Variants in COL26A1 observed in about 807,000 individuals in gnomAD.
The protein encoded by COL26A1 is collagen type XXVI alpha 1 chain, also known as collagen alpha-1(XXVI) chain.
In COL26A1, 41 loss-of-function variants were observed where a neutral mutation model predicts 59.3. The observed-to-expected ratio is 0.69, with a 90% confidence interval of 0.54 to 0.90. The LOEUF is 0.90. Ranked by LOEUF, COL26A1 falls within the 40% of genes least tolerant of loss-of-function variation. The pLI is 0.00. For missense variants in COL26A1, 612 were observed against 602.3 expected (o/e 1.02, Z -0.17); for synonymous variants, 266 against 256.0 (o/e 1.04, Z -0.37).
chr7:101,386,502 T>A (rs1791580770), intron 1 of COL26A1, among the ~76,000 whole-genome samples: 1 of 152,170 alleles, frequency 6.6e-6, no homozygotes, highest in South Asian at 2.1e-4. Flanking sequence ...TGGCCCTGGC[T>A]TGCTTTGTTC....
chr7:101,472,754 C>T (rs1476995255), intron 3 of COL26A1, among the ~76,000 whole-genome samples: 8 of 152,210 alleles, frequency 5.3e-5, no homozygotes, highest in African/African-American at 1.9e-4. Context: ...AGCCCATAAA[C>T]ACCGCAATCT....
intron 1 of COL26A1, among the ~76,000 whole-genome samples, chr7:101,399,576 G>A (rs997460607): frequency 4.0e-5 from 6 of 150,896 alleles, no homozygotes; most frequent in African/African-American, 7.3e-5. Flanking sequence ...CTCCTGCCTC[G>A]GCCTCCCAGA....
chr7:101,430,475 A>G (rs1032433256), intron 2 of COL26A1, among the ~76,000 whole-genome samples: 1 of 150,704 alleles, frequency 6.6e-6, no homozygotes, highest in African/African-American at 2.4e-5. Context: ...TTTTTTTTTT[A>G]GAGACGGGTT....
At chr7:101,369,761 C>T (rs1791141370) in intron 1 of COL26A1, among the ~76,000 whole-genome samples, 1 of 152,084 alleles carries the variant, frequency 6.6e-6, no homozygotes, top group Admixed American at 6.6e-5. Flanking sequence ...TTTAATTCTG[C>T]TAGATAGCGT....
chr7:101,417,181 A>G (rs1351681453), intron 1 of COL26A1, among the ~76,000 whole-genome samples: 1 of 152,128 alleles, frequency 6.6e-6, no homozygotes, highest in Non-Finnish European at 1.5e-5. Flanking sequence ...CCTTTCTTCC[A>G]TGATACTGGC....
intron 1 of COL26A1, among the ~76,000 whole-genome samples, chr7:101,395,682 C>G (rs1195745520): frequency 6.6e-6 from 1 of 152,176 alleles, no homozygotes; most frequent in Admixed American, 6.5e-5. Context: ...TTCTTGTGGT[C>G]AACCCCCTGG....
At chr7:101,553,500 CG>C in intron 11 of COL26A1, 124 bp downstream of exon 11, 2 of 881,882 alleles carry the variant, frequency 2.3e-6, no homozygotes, top group Middle Eastern at 5.6e-4. Context: ...GCTGGGCCAC[CG>C]GGTGTACAGG....
chr7:101,520,633 TACACACACAC>T (rs3073377), intron 3 of COL26A1, among the ~76,000 whole-genome samples: 6 of 137,222 alleles, frequency 4.4e-5, no homozygotes, highest in African/African-American at 9.5e-5. Flanking sequence ...CACAGACACA[TACACACACAC>T]ACACACACAC....
intron 2 of COL26A1, among the ~76,000 whole-genome samples, 200 bp downstream of exon 2, chr7:101,420,299 TG>T (rs1051280277): frequency 2.0e-4 from 30 of 152,188 alleles, no homozygotes; most frequent in African/African-American, 7.0e-4. Flanking sequence ...GTCAGAGACA[TG>T]CTCCTACCGC....
intron 2 of COL26A1, among the ~76,000 whole-genome samples, chr7:101,440,975 CAA>C (rs71891771): frequency 2.4e-4 from 24 of 100,360 alleles, no homozygotes; most frequent in East Asian, 6.3e-4. Flanking sequence ...GACTCCGTCT[CAA>C]AAAAAAAAAA....
At position 101,419,074 on chromosome 7, in the gene COL26A1, TCCTCCCCTCCCCTCC is replaced by T. The variant is rs146603250; in HGVS notation, c.159-878_159-864del. On this transcript the variant is annotated intron_variant, in intron 1 of 12. Transcript: ENST00000313669. ...TCTCTCTCTCTTTCTCTCTCATTCC[TCCTCCCCTCCCCTCC>T]CCTCCCCTCCCCTCCCCTCCCCTCT... Among the ~76,000 whole-genome samples the T allele has an allele frequency of 1.2e-3, 35 of 28,386 alleles. 1 individual carries two copies. The highest frequency in any genetic ancestry group is 3.6e-3 in the African/African-American group (26 of 7,216). The allele number at this position is 28,386 out of a possible 152,430, so 18.6% of individuals were successfully genotyped here.
At position 101,551,139 on chromosome 7, in the gene COL26A1, C is replaced by G. The variant is rs748535018; in HGVS notation, c.1025C>G (p.Pro342Arg). 1.9e-6 allele frequency: 3 copies of G among 1,538,818 alleles called. No individual in the cohort carries two copies. Among genetic ancestry groups the G allele is most frequent in the Non-Finnish European group, 2.6e-6 (3 of 1,139,216 alleles). ...GCTGGAGAGCGAGGCACAGTGGGGC[C>G]GTCCGTAAGTGTGGGCTGTGCAGAT... ...GLAGERGTVG[P>R]SGEPGVKGEE... The change falls in exon 10 of 13, where the codon CCG (proline) becomes CGG (arginine). Residue 342 changes from proline to arginine, a missense_variant. Physicochemically the swap from Pro to Arg is moderately radical, Grantham distance 103 (BLOSUM62 -2). Transcript: ENST00000313669.
rs535700025 is a variant in COL26A1 at position 101,525,621 on chromosome 7, T to C, written c.386-7461T>C. Among the ~76,000 whole-genome samples, 394 of 150,858 alleles carry C rather than the reference T, an allele frequency of 2.6e-3. 4 individuals are homozygous for C. The highest frequency in any genetic ancestry group is 9.3e-3 in the African/African-American group (381 of 41,092). On this transcript the variant is annotated intron_variant, in intron 3 of 12. Transcript: ENST00000313669. ...AAGCAATTCTCCTGCCTCAGCCTCC[T>C]GAGTAGCTGGGACTACAGGTGCCCA...
intron 2 of COL26A1, among the ~76,000 whole-genome samples, chr7:101,442,592 A>G (rs1775564006): frequency 6.6e-6 from 1 of 152,034 alleles, no homozygotes; most frequent in African/African-American, 2.4e-5. Context: ...TTAAAATAGA[A>G]CCTGTGTGAT....
intron 9 of COL26A1, among the ~76,000 whole-genome samples, chr7:101,549,765 G>A (rs1264178341): frequency 2.0e-5 from 3 of 152,150 alleles, no homozygotes; most frequent in South Asian, 2.1e-4. Flanking sequence ...AGCATCACTC[G>A]CATTTCACAG....
intron 2 of COL26A1, 23 bp downstream of exon 2, chr7:101,420,122 G>T (rs11767330): frequency 0.21 from 345,623 of 1,609,282 alleles, 40,277 homozygotes; most frequent in Middle Eastern, 0.31. Context: ...GGGCTAGGCT[G>T]CTCTGCCCTT....
At chr7:101,556,767 T>C (rs1431037029) in intron 12 of COL26A1, among the ~76,000 whole-genome samples, 1 of 151,856 alleles carries the variant, frequency 6.6e-6, no homozygotes, top group Non-Finnish European at 1.5e-5. Context: ...AATGAATGGG[T>C]GGATGGGCGG....
At chr7:101,517,356 C>T (rs1795048395) in intron 3 of COL26A1, among the ~76,000 whole-genome samples, 1 of 150,402 alleles carries the variant, frequency 6.6e-6, no homozygotes, top group Non-Finnish European at 1.5e-5. Context: ...AAAGACATAC[C>T]CAAGATTGGG....
chr7:101,432,948 C>T lies in COL26A1; in HGVS notation c.281+12849C>T, dbSNP rs1489499890. Reference sequence around the variant, plus strand: ...AACTCCTGACCTCAGGTGACCCACCCGCCTCGGCCTCCCAAAGTGCTGGGA... The same window carrying T: ...AACTCCTGACCTCAGGTGACCCACCTGCCTCGGCCTCCCAAAGTGCTGGGA... On this transcript the variant is annotated intron_variant, in intron 2 of 12. Coordinates refer to ENST00000313669, the MANE Select transcript of COL26A1 (RefSeq NM_001278563.3). Among the ~76,000 whole-genome samples, 13 of 152,234 alleles carry T rather than the reference C, an allele frequency of 8.5e-5. No individual in the cohort carries two copies. The South Asian group carries it at 1.2e-3, about 15-fold the overall frequency.
Sources: gnomAD v4.1 joint callset for allele counts (sites outside exome capture counted in the v4.1 genomes callset) on GRCh38, gnomAD v4.1.1 for gene constraint, MANE v1.5 for transcripts, NCBI Gene and HGNC (gene_info 2026-07-23, HGNC 2026-07-21) for gene names.